MLEC: variants seen among roughly 807,000 people sequenced by gnomAD.
MLEC encodes the protein oligosaccharyltransferase complex subunit (non-catalytic).
Under a neutral mutation model 28.7 loss-of-function variants are expected in MLEC, and 7 were observed. That is an observed-to-expected ratio of 0.24 (90% CI 0.14 to 0.46). MLEC has a LOEUF of 0.46. Among genes scored for constraint, MLEC ranks in the 20% least tolerant of loss-of-function variants. MLEC has a pLI of 0.99. For synonymous variants in MLEC, 142 were observed against 164.4 expected, an observed-to-expected ratio of 0.86 and a Z score of 1.04; for missense variants, 237 against 391.1, an observed-to-expected ratio of 0.61 and a Z score of 3.32.
chr12:120,688,754 G>A (rs1347936602), intron 1 of MLEC, among the ~76,000 whole-genome samples: 2 of 152,246 alleles, frequency 1.3e-5, no homozygotes, highest in Non-Finnish European at 2.9e-5. Context: ...TTTCACACAT[G>A]TGAGGGTCTT....
rs1205348997 is a variant in MLEC, at chr12:120,694,408, CA to C, written c.414+140del. 61 of 863,834 alleles carry C rather than the reference CA, an allele frequency of 7.1e-5. No individual in the cohort carries two copies. The highest frequency in any genetic ancestry group is 1.0e-4 in the Non-Finnish European group (59 of 576,340). The allele number at this position is 863,834 out of a possible 1,614,324, so 53.5% of individuals were successfully genotyped here. ...CTCTAGAGAAGCATGTTCCATAGTG[CA>C]CAAGGCTGCACTTGCCTTGGGGGTG... is the stretch of plus-strand genomic sequence containing the variant. On this transcript the variant is annotated intron_variant, in intron 2 of 4. Transcript: ENST00000228506. The surrounding 1 kb of genome is among the most constrained non-coding windows in gnomAD (Gnocchi z 4.5).
rs1882438708 is a variant in MLEC at position 120,701,288 on chromosome 12, G to A, written c.*4743G>A. 1 of 152,556 alleles carries A rather than the reference G, an allele frequency of 6.6e-6. No individual in the cohort carries two copies. Among genetic ancestry groups the A allele is most frequent in the Admixed American group, 6.5e-5 (1 of 15,302 alleles). 9.5% of individuals were successfully genotyped at this position (152,556 alleles called of 1,614,324 possible). On this transcript the variant is annotated 3_prime_UTR_variant, in exon 5 of 5. Coordinates refer to ENST00000228506, the MANE Select transcript of MLEC (RefSeq NM_014730.4). This position sits in a 1 kb window ranked among gnomAD's most constrained non-coding sequence, Gnocchi z 4.0. Reference sequence around the variant, plus strand: ...GGTAGGAGGGGAGCACTGGCAGGGAGAGACATTCTTGACTCCTCTCTTCCC... The same window carrying A: ...GGTAGGAGGGGAGCACTGGCAGGGAAAGACATTCTTGACTCCTCTCTTCCC...
At chr12:120,693,338 A>G (rs946959712) in intron 1 of MLEC, among the ~76,000 whole-genome samples, 2 of 152,152 alleles carry the variant, frequency 1.3e-5, no homozygotes, top group Non-Finnish European at 2.9e-5. Context: ...AGTGGCGACT[A>G]TGTGCCAGGT....
chr12:120,687,293 C>T lies in MLEC; in HGVS notation c.-4C>T. ...CGGGGGCTGCCCCCGTGGTGGTGGCCGCCATGCTGGGAGCCTGGGCGGTTG... is the reference window on the plus strand; with the variant it reads ...CGGGGGCTGCCCCCGTGGTGGTGGCTGCCATGCTGGGAGCCTGGGCGGTTG... On this transcript the variant is annotated 5_prime_UTR_variant, in exon 1 of 5. Coordinates refer to ENST00000228506, the MANE Select transcript of MLEC (RefSeq NM_014730.4). The surrounding 1 kb of genome is among the most constrained non-coding windows in gnomAD (Gnocchi z 8.1). 1.4e-6 allele frequency: 2 copies of T among 1,384,730 alleles called. No individual in the cohort carries two copies. Among genetic ancestry groups the T allele is most frequent in the Non-Finnish European group, 1.9e-6 (2 of 1,075,004 alleles). 85.8% of individuals were successfully genotyped at this position (1,384,730 alleles called of 1,614,324 possible).
chr12:120,699,122 G>A lies in MLEC; in HGVS notation c.*2577G>A, dbSNP rs1404416117. The stretch of plus-strand genomic sequence containing the variant: ...GGTACATGAAGTTTAGGTTAAAGGG[G>A]TGGGATTCTTTATTTTTATTTTTGT... On this transcript the variant is annotated 3_prime_UTR_variant, in exon 5 of 5. Coordinates refer to ENST00000228506, the MANE Select transcript of MLEC (RefSeq NM_014730.4). The A allele has an allele frequency of 6.6e-6, 1 of 152,542 alleles. No individual in the cohort carries two copies. Among genetic ancestry groups the A allele is most frequent in the African/African-American group, 2.4e-5 (1 of 41,406 alleles). The allele number at this position is 152,542 out of a possible 1,614,324, so 9.4% of individuals were successfully genotyped here.
intron 1 of MLEC, among the ~76,000 whole-genome samples, chr12:120,689,516 T>G (rs1475372497): frequency 6.6e-6 from 1 of 152,230 alleles, no homozygotes. Context: ...AGCTGCAGTT[T>G]GGACCAGCTT....
chr12:120,694,347 G>C lies in MLEC; in HGVS notation c.414+78G>C. On this transcript the variant is annotated intron_variant, in intron 2 of 4. Coordinates refer to ENST00000228506, the MANE Select transcript of MLEC (RefSeq NM_014730.4). The surrounding 1 kb of genome is among the most constrained non-coding windows in gnomAD (Gnocchi z 4.5). ...CAATCCACGATTATGGGGCTAGAGA[G>C]TGTGAGAGTCTCTCCAGAAAGGCAG... 1 of 1,430,772 alleles carries C rather than the reference G, an allele frequency of 7.0e-7. No individual in the cohort carries two copies. Among genetic ancestry groups the C allele is most frequent in the Non-Finnish European group, 9.6e-7 (1 of 1,040,896 alleles). The allele number at this position is 1,430,772 out of a possible 1,614,324, so 88.6% of individuals were successfully genotyped here.
chr12:120,695,032 G>C, intron 3 of MLEC, 32 bp downstream of exon 3: 1 of 1,614,168 alleles, frequency 6.2e-7, no homozygotes, highest in Non-Finnish European at 8.5e-7. Flanking sequence ...TTGCTGAAGA[G>C]AGTGGGTACA....
At chr12:120,692,255 T>C (rs1223190321) in intron 1 of MLEC, among the ~76,000 whole-genome samples, 1 of 152,242 alleles carries the variant, frequency 6.6e-6, no homozygotes, top group African/African-American at 2.4e-5. Flanking sequence ...GTTCCAGATT[T>C]GTAATGATCA....
rs1377200820 is a variant in MLEC at position 120,694,043 on chromosome 12, T to C, written c.236-48T>C. On this transcript the variant is annotated intron_variant, in intron 1 of 4. Transcript: ENST00000228506. The surrounding 1 kb of genome is among the most constrained non-coding windows in gnomAD (Gnocchi z 4.5). ...GGCTGTTCTGGGGTCTTTGCTTTTC[T>C]TTTGTGTCTTGCCTCTGATGTGCTT... 5 of 1,562,626 alleles carry C rather than the reference T, an allele frequency of 3.2e-6. No individual in the cohort carries two copies. Among genetic ancestry groups the C allele is most frequent in the African/African-American group, 1.4e-5 (1 of 73,568 alleles).
rs1592919297 is a variant in MLEC at position 120,696,649 on chromosome 12, A to G, written c.*104A>G. 7 of 1,506,310 alleles carry G rather than the reference A, an allele frequency of 4.6e-6. No individual in the cohort carries two copies. The East Asian group carries it at 1.6e-4, about 34-fold the overall frequency. The allele number at this position is 1,506,310 out of a possible 1,614,324, so 93.3% of individuals were successfully genotyped here. A position where few individuals can be genotyped will look rare whatever the true frequency, so the allele number is the denominator to read the frequency against. ...CACAATGATTAATGAACAAAAACAA[A>G]GAGAAAAAAACACACATCAATTAAA... is the stretch of plus-strand genomic sequence containing the variant. On this transcript the variant is annotated 3_prime_UTR_variant, in exon 5 of 5. Coordinates refer to ENST00000228506, the MANE Select transcript of MLEC (RefSeq NM_014730.4). The surrounding 1 kb of genome is among the most constrained non-coding windows in gnomAD (Gnocchi z 5.4).
At position 120,694,933 on chromosome 12, in the gene MLEC, A is replaced by G. The variant is rs1324227299; in HGVS notation, c.524A>G (p.Lys175Arg). 1 of 1,614,246 alleles carries G rather than the reference A, an allele frequency of 6.2e-7. No homozygotes were observed. The highest frequency in any genetic ancestry group is 8.5e-7 in the Non-Finnish European group (1 of 1,180,052). The change falls in exon 3 of 5, where the codon AAG becomes AGG. Residue 175 changes from lysine to arginine, a missense_variant. Lys to Arg is a conservative substitution (Grantham distance 26). Coordinates refer to ENST00000228506, the MANE Select transcript of MLEC (RefSeq NM_014730.4). The surrounding 1 kb of genome is among the most constrained non-coding windows in gnomAD (Gnocchi z 4.5). Reference sequence around the variant, plus strand: ...GAAATTATACCTATGAGCATCAGAAAGGGGAAGCTGAGTGTCCAGGGGGAG... The same window carrying G: ...GAAATTATACCTATGAGCATCAGAAGGGGGAAGCTGAGTGTCCAGGGGGAG... ...HDEIIPMSIR[K>R]GKLSVQGEVS...
At position 120,694,330 on chromosome 12, in the gene MLEC, G is replaced by T; in HGVS notation, c.414+61G>T. On this transcript the variant is annotated intron_variant, in intron 2 of 4. Coordinates refer to ENST00000228506, the MANE Select transcript of MLEC (RefSeq NM_014730.4). The surrounding 1 kb of genome is among the most constrained non-coding windows in gnomAD (Gnocchi z 4.5). The stretch of plus-strand genomic sequence containing the variant: ...ACATTGCTGCTCTTGGACAATCCAC[G>T]ATTATGGGGCTAGAGAGTGTGAGAG... 1.3e-6 allele frequency: 2 copies of T among 1,534,560 alleles called. No homozygotes were observed. Among genetic ancestry groups the T allele is most frequent in the Non-Finnish European group, 1.8e-6 (2 of 1,121,214 alleles).
chr12:120,693,945 G>A, intron 1 of MLEC, 146 bp from the exon 2 acceptor site: 1 of 643,244 alleles, frequency 1.6e-6, no homozygotes, highest in South Asian at 2.2e-5. Flanking sequence ...TTGGAGCTCT[G>A]TTTGGAGCCA....
At chr12:120,688,244 A>G (rs952281270) in intron 1 of MLEC, among the ~76,000 whole-genome samples, 2 of 152,190 alleles carry the variant, frequency 1.3e-5, no homozygotes, top group African/African-American at 4.8e-5. Flanking sequence ...CTTAGGGGGA[A>G]AATGATTGTG....
Position 120,694,394 on chromosome 12 carries a change from C to T in MLEC, c.414+125C>T, listed in dbSNP as rs1229784303. ...GCAGAACAGATGAGCTCTAGAGAAG[C>T]ATGTTCCATAGTGCACAAGGCTGCA... On this transcript the variant is annotated intron_variant, in intron 2 of 4. Coordinates refer to ENST00000228506, the MANE Select transcript of MLEC (RefSeq NM_014730.4). This position sits in a 1 kb window ranked among gnomAD's most constrained non-coding sequence, Gnocchi z 4.5. 3.0e-6 allele frequency: 3 copies of T among 1,008,862 alleles called. No individual in the cohort carries two copies. In the East Asian group the frequency reaches 7.4e-5, roughly 25 times the overall value. 62.5% of individuals were successfully genotyped at this position (1,008,862 alleles called of 1,614,324 possible).
intron 1 of MLEC, among the ~76,000 whole-genome samples, chr12:120,693,706 A>G (rs1227732509): frequency 6.6e-6 from 1 of 152,214 alleles, no homozygotes; most frequent in Non-Finnish European, 1.5e-5. Context: ...CCCTTGTTTT[A>G]GGAGGTTTCT....
intron 4 of MLEC, among the ~76,000 whole-genome samples, chr12:120,695,584 A>G (rs150195423): frequency 6.6e-6 from 1 of 152,356 alleles, no homozygotes; most frequent in East Asian, 1.9e-4. Context: ...GCTGGACTGC[A>G]CTGGGACAAA....
intron 1 of MLEC, among the ~76,000 whole-genome samples, chr12:120,688,067 A>T (rs753829543): frequency 1.2e-4 from 19 of 152,196 alleles, no homozygotes; most frequent in Non-Finnish European, 2.1e-4. Context: ...ATGTGTGCTT[A>T]AAAGTAGAAT....
Sources: allele counts gnomAD v4.1 joint callset (sites outside exome capture counted in the v4.1 genomes callset), GRCh38; gene constraint gnomAD v4.1.1; non-coding constraint Gnocchi (gnomAD v3.1); transcripts MANE v1.5; gene names NCBI Gene and HGNC (gene_info 2026-07-23, HGNC 2026-07-21).